UNC13C: variants seen among roughly 807,000 people sequenced by gnomAD.
UNC13C encodes unc-13 homolog C.
UNC13C carries 174 observed loss-of-function variants against 245.4 expected under a neutral mutation model. That is an observed-to-expected ratio of 0.71 (90% CI 0.63 to 0.80). UNC13C has a LOEUF of 0.80. Among genes scored for constraint, UNC13C ranks in the 30% least tolerant of loss-of-function variants. The probability of loss-of-function intolerance (pLI) is 0.00; values close to 1 mark genes in which losing one functional copy is unlikely to be tolerated. For missense variants in UNC13C, 2,829 were observed against 2,602.9 expected (o/e 1.09, Z -1.89); for synonymous variants, 992 against 895.1 (o/e 1.11, Z -1.93).
chr15:54,420,245 G>A (rs2040611246), intron 19 of UNC13C, among the ~76,000 whole-genome samples: 1 of 152,000 alleles, frequency 6.6e-6, no homozygotes, highest in Non-Finnish European at 1.5e-5. Flanking sequence ...TGGGCTGGGG[G>A]ATTGCTTTCC....
rs373493676 is a variant in UNC13C at position 54,143,673 on chromosome 15, G to C, written c.3060G>C (p.Gln1020His). Residue 1020 changes from glutamine to histidine, a missense_variant, in exon 4 of 33, where the codon CAG (glutamine) becomes CAC (histidine). By Grantham distance (24) the Gln-to-His change is conservative. Transcript: ENST00000260323. ...DLDASKFSAL[Q>H]VCGGAGGGLY... ...ATGCTTCCAAATTTTCTGCACTCCA[G>C]GTGTGTGGTGGGTAAGTACCTTCAT... is the stretch of plus-strand genomic sequence containing the variant. 25 of 1,612,884 alleles carry C rather than the reference G, an allele frequency of 1.6e-5. No individual in the cohort carries two copies. In the Middle Eastern group the frequency reaches 4.9e-4, roughly 32 times the overall value.
At chr15:54,403,496 A>C (rs926621447) in intron 18 of UNC13C, among the ~76,000 whole-genome samples, 2 of 151,978 alleles carry the variant, frequency 1.3e-5, no homozygotes, top group Non-Finnish European at 2.9e-5. Context: ...CCGAGGCAGG[A>C]GGATTTCTTG....
intron 2 of UNC13C, among the ~76,000 whole-genome samples, chr15:54,108,440 G>A (rs962526526): frequency 6.6e-6 from 1 of 152,080 alleles, no homozygotes; most frequent in Non-Finnish European, 1.5e-5. Flanking sequence ...GCCCGCTTTG[G>A]CCTCTCAAAG....
chr15:54,134,341 A>T (rs1398790960), intron 2 of UNC13C, among the ~76,000 whole-genome samples: 1 of 145,928 alleles, frequency 6.9e-6, no homozygotes, highest in Non-Finnish European at 1.5e-5. Flanking sequence ...GCCTTATTTC[A>T]CCTAGTATAT....
intron 18 of UNC13C, among the ~76,000 whole-genome samples, chr15:54,414,265 G>A (rs2040473716): frequency 6.6e-6 from 1 of 152,158 alleles, no homozygotes; most frequent in African/African-American, 2.4e-5. Context: ...GAAAATGGCT[G>A]AGGGACATAT....
Position 53,985,125 on chromosome 15 carries a change from G to T in UNC13C, c.-257+6198G>T, listed in dbSNP as rs190165530. On this transcript the variant is annotated intron_variant, in intron 1 of 32. Transcript: ENST00000260323. ...TCCCCACCCTCCAACAGGCCCTGGTGTGTGTTGTTCCCCTCTCTGTGTCCA... is the reference window on the plus strand; with the variant it reads ...TCCCCACCCTCCAACAGGCCCTGGTTTGTGTTGTTCCCCTCTCTGTGTCCA... Among the ~76,000 whole-genome samples the T allele has an allele frequency of 1.6e-3, 244 of 151,932 alleles. 1 individual carries two copies. The highest frequency in any genetic ancestry group is 5.7e-3 in the African/African-American group (235 of 41,452).
intron 19 of UNC13C, among the ~76,000 whole-genome samples, chr15:54,455,328 C>T (rs1199381042): frequency 6.7e-6 from 1 of 148,176 alleles, no homozygotes; most frequent in East Asian, 2.0e-4. Context: ...TATGCATGTG[C>T]AGTGTCTTTT....
chr15:53,941,147 G>A, the UNC13C span, among the ~76,000 whole-genome samples: 5 of 152,128 alleles, frequency 3.3e-5, no homozygotes, highest in East Asian at 7.7e-4. Context: ...CAGAAATAAG[G>A]CCACACTCCT....
chr15:54,258,384 G>T (rs1203477114), intron 8 of UNC13C, among the ~76,000 whole-genome samples: 2 of 151,926 alleles, frequency 1.3e-5, no homozygotes, highest in Non-Finnish European at 2.9e-5. Context: ...ATTTTTTTGA[G>T]ACAAAGTCCC....
chr15:54,401,870 G>C (rs12910964), intron 18 of UNC13C, among the ~76,000 whole-genome samples: 3 of 152,208 alleles, frequency 2.0e-5, no homozygotes, highest in African/African-American at 7.2e-5. Context: ...TTGGGTTCCA[G>C]TACAATGTGG....
At chr15:54,385,909 G>C (rs921289846) in intron 17 of UNC13C, among the ~76,000 whole-genome samples, 2 of 152,116 alleles carry the variant, frequency 1.3e-5, no homozygotes, top group Non-Finnish European at 2.9e-5. Context: ...TTAACTTACA[G>C]CTAGACCTTG....
chr15:54,560,826 A>G (rs1419967018), intron 29 of UNC13C, among the ~76,000 whole-genome samples: 1 of 152,022 alleles, frequency 6.6e-6, no homozygotes, highest in Non-Finnish European at 1.5e-5. Context: ...TAATACTACT[A>G]CTTAAAAGAT....
intron 2 of UNC13C, among the ~76,000 whole-genome samples, chr15:54,123,113 T>C (rs1210962077): frequency 6.6e-6 from 1 of 152,000 alleles, no homozygotes; most frequent in Non-Finnish European, 1.5e-5. Context: ...CTCTTATTAT[T>C]GTCAGTCTTT....
At chr15:54,411,007 G>A (rs1011762782) in intron 18 of UNC13C, among the ~76,000 whole-genome samples, 2 of 152,038 alleles carry the variant, frequency 1.3e-5, no homozygotes, top group South Asian at 2.1e-4. Flanking sequence ...CTTAGTATTG[G>A]TGGGCTTCTG....
At chr15:54,486,276 C>CACACAG (rs370512364) in intron 19 of UNC13C, among the ~76,000 whole-genome samples, 2,145 of 151,042 alleles carry the variant, frequency 0.014, 48 homozygotes, top group African/African-American at 0.049. Context: ...CACACACACA[C>CACACAG]ACACACACAC....
chr15:54,579,754 G>C (rs1254594318), intron 30 of UNC13C, among the ~76,000 whole-genome samples: 1 of 152,068 alleles, frequency 6.6e-6, no homozygotes, highest in Non-Finnish European at 1.5e-5. Flanking sequence ...GCAAGACTCT[G>C]TCTCAAAAAA....
chr15:54,416,648 C>A (rs2040527392), intron 19 of UNC13C, among the ~76,000 whole-genome samples: 1 of 152,118 alleles, frequency 6.6e-6, no homozygotes, highest in African/African-American at 2.4e-5. Context: ...GTCCACTCAG[C>A]AAATAACTTT....
At chr15:54,502,503 C>A (rs1894269581) in intron 22 of UNC13C, among the ~76,000 whole-genome samples, 1 of 152,074 alleles carries the variant, frequency 6.6e-6, no homozygotes, top group African/African-American at 2.4e-5. Flanking sequence ...CTTTCTGAGT[C>A]CCCTTAGATG....
chr15:54,414,299 A>G (rs1006027760), intron 18 of UNC13C, among the ~76,000 whole-genome samples: 1 of 152,212 alleles, frequency 6.6e-6, no homozygotes, highest in Admixed American at 6.5e-5. Context: ...TTTTAGTGTC[A>G]TATGGTGTTT....
Sources: gnomAD v4.1 joint callset for allele counts (sites outside exome capture counted in the v4.1 genomes callset) on GRCh38, gnomAD v4.1.1 for gene constraint, MANE v1.5 for transcripts, NCBI Gene and HGNC (gene_info 2026-07-23, HGNC 2026-07-21) for gene names.